MNT: variants seen among roughly 807,000 people sequenced by gnomAD.
The protein encoded by MNT is MAX network transcriptional repressor, also known as max-binding protein MNT.
In MNT, 13 loss-of-function variants were observed where a neutral mutation model predicts 40.7. The ratio of observed to expected loss-of-function variants is 0.32; its 90% CI spans 0.21 to 0.51. The LOEUF is 0.51. MNT is among the 20% of genes least tolerant of loss of function. The pLI is 0.98. For missense variants in MNT, 757 were observed against 792.0 expected (o/e 0.96, Z 0.53); for synonymous variants, 426 against 354.8 (o/e 1.20, Z -2.26).
chr17:2,394,738 G>A (rs1044095051), intron 2 of MNT, 137 bp downstream of exon 2: 22 of 659,606 alleles, frequency 3.3e-5, no homozygotes, highest in South Asian at 3.2e-4. Context: ...TCCCAGGATA[G>A]ACATGGGCAC....
In MNT at chr17:2,394,361, G is replaced by T. The variant is rs373426966; in HGVS notation, c.654-15C>A. ...TGGTTCCGATCCTGAAACCCAGACAGATAGGAGGCTCAGGGAGGAGGACTC... is the reference window on the plus strand; with the variant it reads ...TGGTTCCGATCCTGAAACCCAGACATATAGGAGGCTCAGGGAGGAGGACTC... On this transcript the variant is annotated splice_polypyrimidine_tract_variant and intron_variant, in intron 2 of 5. Transcript: ENST00000174618. The T allele has an allele frequency of 4.3e-6, 7 of 1,613,868 alleles. No homozygotes were observed. The highest frequency in any genetic ancestry group is 5.9e-6 in the Non-Finnish European group (7 of 1,179,946).
intron 1 of MNT, chr17:2,396,560 C>A (rs1451687247): frequency 6.6e-6 from 1 of 152,294 alleles, no homozygotes; most frequent in African/African-American, 2.4e-5. Flanking sequence ...GGGCAGTGCA[C>A]CCCACCACCC....
At position 2,385,617 on chromosome 17, in the gene MNT, A is replaced by T. The variant is rs543597698; in HGVS notation, c.*1284T>A. ...CCCAACCAAGGACCTCTTCTCAGAG[A>T]AAGGTGCTGCTGCTCTGCAGCTCCC... On this transcript the variant is annotated 3_prime_UTR_variant, in exon 6 of 6. Coordinates refer to ENST00000174618, the MANE Select transcript of MNT (RefSeq NM_020310.3). The T allele has an allele frequency of 1.3e-5, 2 of 152,472 alleles. No individual in the cohort carries two copies. The highest frequency in any genetic ancestry group is 2.4e-5 in the African/African-American group (1 of 41,586). 9.4% of individuals were successfully genotyped at this position (152,472 alleles called of 1,614,324 possible).
rs2066449977 is a variant in MNT at position 2,385,414 on chromosome 17, A to G, written c.*1487T>C. 1.3e-5 allele frequency: 2 copies of G among 152,248 alleles called. No individual in the cohort carries two copies. The highest frequency in any genetic ancestry group is 2.9e-5 in the Non-Finnish European group (2 of 68,090). The allele number at this position is 152,248 out of a possible 1,614,324, so 9.4% of individuals were successfully genotyped here. The stretch of plus-strand genomic sequence containing the variant: ...CACCGGCTTCCTCCCGCTACACTGA[A>G]AGGCCACTGGTGAGTGTGTGTCCAG... On this transcript the variant is annotated 3_prime_UTR_variant, in exon 6 of 6. Transcript: ENST00000174618.
Position 2,394,736 on chromosome 17 carries a change from T to C in MNT, c.653+139A>G, listed in dbSNP as rs1597420776. 14 of 654,852 alleles carry C rather than the reference T, an allele frequency of 2.1e-5. No homozygotes were observed. In the East Asian group the frequency reaches 3.5e-4, roughly 17 times the overall value. The allele number at this position is 654,852 out of a possible 1,614,324, so 40.6% of individuals were successfully genotyped here. A position where few individuals can be genotyped will look rare whatever the true frequency, so the allele number is the denominator to read the frequency against. On this transcript the variant is annotated intron_variant, in intron 2 of 5. Transcript: ENST00000174618. Reference sequence around the variant, plus strand: ...GGCAATGGGACATTCCTTCCCAGGATAGACATGGGCACAGTGATGACGTGT... The same window carrying C: ...GGCAATGGGACATTCCTTCCCAGGACAGACATGGGCACAGTGATGACGTGT...
chr17:2,386,660 AGG>A lies in MNT; in HGVS notation c.*239_*240del, dbSNP rs2066464350. The A allele has an allele frequency of 2.2e-6, 1 of 447,184 alleles. No homozygotes were observed. 27.7% of individuals were successfully genotyped at this position (447,184 alleles called of 1,614,324 possible). ...CACTGGAGCTGGCACTGGGCCGGAC[AGG>A]TGGCACATTCCATCAGAGTCTCGCA... On this transcript the variant is annotated 3_prime_UTR_variant, in exon 6 of 6. Coordinates refer to ENST00000174618, the MANE Select transcript of MNT (RefSeq NM_020310.3).
At chr17:2,390,662 G>C (rs901782941) in intron 4 of MNT, 6 of 152,154 alleles carry the variant, frequency 3.9e-5, no homozygotes, top group African/African-American at 1.2e-4. Context: ...CGCTGCACTA[G>C]GAGCAGTTTT....
At chr17:2,394,401 C>T (rs1373627449) in intron 2 of MNT, 55 bp from the exon 3 acceptor site, 1 of 1,610,600 alleles carries the variant, frequency 6.2e-7, no homozygotes, top group Non-Finnish European at 8.5e-7. Context: ...AGACGGCCTT[C>T]CTGACCAGCG....
chr17:2,394,341 C>G lies in MNT; in HGVS notation c.659G>C (p.Gly220Ala), dbSNP rs577570326. The G allele has an allele frequency of 1.2e-6, 2 of 1,613,386 alleles. No homozygotes were observed. Among genetic ancestry groups the G allele is most frequent in the Non-Finnish European group, 1.7e-6 (2 of 1,179,934 alleles). ...SEQKKRPGGI[G>A]TREVHNKLEK... ...CAATTTGTTGTGGACTTCTCTGGTT[C>G]CGATCCTGAAACCCAGACAGATAGG... The change falls in exon 3 of 6, where the codon GGA becomes GCA. Residue 220 changes from glycine (G) to alanine (A), a missense_variant. Transcript: ENST00000174618.
chr17:2,384,178 C>T lies in MNT; in HGVS notation c.*2723G>A, dbSNP rs1000310696. On this transcript the variant is annotated 3_prime_UTR_variant, in exon 6 of 6. Transcript: ENST00000174618. ...GGTAACTAAAGTCTTGGAGCATGAACAGCCACTAGAATACAGTTCAATAGT... is the reference window on the plus strand; with the variant it reads ...GGTAACTAAAGTCTTGGAGCATGAATAGCCACTAGAATACAGTTCAATAGT... The T allele has an allele frequency of 6.6e-6, 1 of 152,382 alleles. No homozygotes were observed. The highest frequency in any genetic ancestry group is 2.4e-5 in the African/African-American group (1 of 41,350). 9.4% of individuals were successfully genotyped at this position (152,382 alleles called of 1,614,324 possible).
At chr17:2,387,768 A>G (rs1223434960) in intron 5 of MNT, 89 bp downstream of exon 5, 1 of 1,545,556 alleles carries the variant, frequency 6.5e-7, no homozygotes, top group Non-Finnish European at 8.7e-7. Flanking sequence ...CATCTTTTCT[A>G]GCAGGCAAGA....
rs2066436751 is a variant in MNT, at chr17:2,384,309, G to C, written c.*2592C>G. 1 of 151,740 alleles carries C rather than the reference G, an allele frequency of 6.6e-6. No homozygotes were observed. Among genetic ancestry groups the C allele is most frequent in the African/African-American group, 2.4e-5 (1 of 41,132 alleles). 9.4% of individuals were successfully genotyped at this position (151,740 alleles called of 1,614,324 possible). A position where few individuals can be genotyped will look rare whatever the true frequency, so the allele number is the denominator to read the frequency against. ...ATCTCTACAGTCTGGGGTCGCTACA[G>C]TTTATATTTCAGGAAACAGAGACAC... On this transcript the variant is annotated 3_prime_UTR_variant, in exon 6 of 6. Transcript: ENST00000174618.
intron 4 of MNT, chr17:2,389,265 A>AT (rs1368911758): frequency 0.024 from 3,474 of 142,206 alleles, 79 homozygotes; most frequent in African/African-American, 0.063. Flanking sequence ...CTCTCCCTCA[A>AT]TTTTTTTTTT....
chr17:2,393,829 G>A (rs1369001854), intron 4 of MNT: 2 of 253,224 alleles, frequency 7.9e-6, no homozygotes, highest in Non-Finnish European at 1.5e-5. Context: ...AGCGGCGCGG[G>A]AGGGGAGCCG....
chr17:2,392,261 T>G (rs1193148393), intron 4 of MNT, among the ~76,000 whole-genome samples: 1 of 152,208 alleles, frequency 6.6e-6, no homozygotes, highest in African/African-American at 2.4e-5. Context: ...AATAAATGGT[T>G]TGTAGACAGG....
intron 2 of MNT, 65 bp from the exon 3 acceptor site, chr17:2,394,411 G>A: frequency 1.2e-6 from 2 of 1,606,270 alleles, no homozygotes; most frequent in Non-Finnish European, 1.7e-6. Context: ...CCTGACCAGC[G>A]CCGCCACCCG....
In MNT at chr17:2,388,483, C is replaced by A. The variant is rs574478194; in HGVS notation, c.808-434G>T. 1.0e-3 allele frequency among the ~76,000 whole-genome samples: 156 copies of A among 152,264 alleles called. 1 individual carries two copies. Among genetic ancestry groups the A allele is most frequent in the Admixed American group, 5.2e-3 (80 of 15,292 alleles). ...AACATCAACATCCTTGCACGATGAG[C>A]CACTAGGCAGTGACACGCCCTCGCC... On this transcript the variant is annotated intron_variant, in intron 4 of 5. Coordinates refer to ENST00000174618, the MANE Select transcript of MNT (RefSeq NM_020310.3).
intron 4 of MNT, chr17:2,390,447 G>A (rs1274976177): frequency 6.6e-6 from 1 of 152,302 alleles, no homozygotes; most frequent in Non-Finnish European, 1.5e-5. Flanking sequence ...ACATCAGTGG[G>A]ACATTTGGTT....
Position 2,394,302 on chromosome 17 carries a change from C to T in MNT, c.695+3G>A. Reference sequence around the variant, plus strand: ...GCACACACACACACACACACACACACACCTGTTCTTCTCCAATTTGTTGTG... The same window carrying T: ...GCACACACACACACACACACACACATACCTGTTCTTCTCCAATTTGTTGTG... On this transcript the variant is annotated splice_donor_region_variant and intron_variant, in intron 3 of 5. Transcript: ENST00000174618. 1 of 1,613,320 alleles carries T rather than the reference C, an allele frequency of 6.2e-7. No individual in the cohort carries two copies. Among genetic ancestry groups the T allele is most frequent in the Non-Finnish European group, 8.5e-7 (1 of 1,179,862 alleles).
Sources: allele counts gnomAD v4.1 joint callset (sites outside exome capture counted in the v4.1 genomes callset), GRCh38; gene constraint gnomAD v4.1.1; transcripts MANE v1.5; gene names NCBI Gene and HGNC (gene_info 2026-07-23, HGNC 2026-07-21).